Variants in HLCS observed in about 807,000 individuals in gnomAD.
HLCS encodes the protein holocarboxylase synthetase, also known as biotin--protein ligase.
Under a neutral mutation model 75.0 loss-of-function variants are expected in HLCS, and 53 were observed. The observed-to-expected ratio is 0.71, with a 90% CI of 0.57 to 0.89. HLCS has a LOEUF of 0.89. Ranked by LOEUF, HLCS falls within the 40% of genes least tolerant of loss-of-function variation. The pLI is 0.00. For synonymous variants in HLCS, 431 were observed against 428.6 expected (o/e 1.01, Z -0.07); for missense variants, 966 against 1,074.0 (o/e 0.90, Z 1.41).
chr21:36,766,359 A>G (rs1306329802), intron 7 of HLCS, among the ~76,000 whole-genome samples: 1 of 152,186 alleles, frequency 6.6e-6, no homozygotes, highest in African/African-American at 2.4e-5. Context: ...AAATAGAAGA[A>G]TCCAAATGAG....
intron 6 of HLCS, among the ~76,000 whole-genome samples, chr21:36,811,705 C>A (rs1452326932): frequency 6.6e-6 from 1 of 152,256 alleles, no homozygotes; most frequent in Admixed American, 6.5e-5. Flanking sequence ...TAAAAGACCT[C>A]TTTCCCATGT....
chr21:36,783,472 C>T (rs549638420), intron 6 of HLCS, among the ~76,000 whole-genome samples: 1 of 152,200 alleles, frequency 6.6e-6, no homozygotes, highest in African/African-American at 2.4e-5. Context: ...AATGAAGCAT[C>T]GCATTATTTT....
intron 6 of HLCS, among the ~76,000 whole-genome samples, chr21:36,848,200 G>T (rs2062862385): frequency 6.6e-6 from 1 of 151,342 alleles, no homozygotes; most frequent in Admixed American, 6.6e-5. Context: ...AGACATGCCA[G>T]AAAAATTGTG....
intron 1 of HLCS, 135 bp downstream of exon 1, chr21:36,966,309 C>T (rs1002338671): frequency 1.1e-4 from 31 of 279,542 alleles, no homozygotes; most frequent in African/African-American, 6.9e-4. Flanking sequence ...CAGCCCCTCC[C>T]GGGCCGCACA....
At chr21:36,893,711 A>T (rs1262273304) in intron 6 of HLCS, among the ~76,000 whole-genome samples, 1 of 152,172 alleles carries the variant, frequency 6.6e-6, no homozygotes, top group Non-Finnish European at 1.5e-5. Flanking sequence ...GCTGCCGCTG[A>T]TCTGACAGGG....
At chr21:36,805,426 G>T (rs571319415) in intron 6 of HLCS, among the ~76,000 whole-genome samples, 1 of 152,320 alleles carries the variant, frequency 6.6e-6, no homozygotes, top group African/African-American at 2.4e-5. Context: ...TTACAGGCAG[G>T]GCGGCAGGAA....
At chr21:36,882,626 T>C (rs946778207) in intron 6 of HLCS, among the ~76,000 whole-genome samples, 1 of 147,284 alleles carries the variant, frequency 6.8e-6, no homozygotes, top group African/African-American at 2.5e-5. Flanking sequence ...CTTTCTTTTT[T>C]TTTTTTTTTT....
At chr21:36,756,426 G>A (rs2089589293) in intron 10 of HLCS, 116 bp downstream of exon 10, 4 of 703,836 alleles carry the variant, frequency 5.7e-6, no homozygotes, top group Non-Finnish European at 8.8e-6. Flanking sequence ...ACTCCAGCCT[G>A]GGCGACAGAG....
At chr21:36,810,315 T>C (rs899945912) in intron 6 of HLCS, among the ~76,000 whole-genome samples, 6 of 152,208 alleles carry the variant, frequency 3.9e-5, no homozygotes, top group African/African-American at 1.2e-4. Context: ...TCTGACCCTT[T>C]CGGCAGCAAG....
chr21:36,818,305 C>G lies in HLCS; in HGVS notation c.1893-51020G>C, dbSNP rs571747957. Among the ~76,000 whole-genome samples, 7 of 152,294 alleles carry G rather than the reference C, an allele frequency of 4.6e-5. No homozygotes were observed. In the South Asian group the frequency reaches 1.5e-3, roughly 32 times the overall value. ...AATCCTATTTCTAAAGACCCTCCCG[C>G]GAGGAGCACATAGGCCGTGATGAAT... On this transcript the variant is annotated intron_variant, in intron 6 of 10. Coordinates refer to ENST00000674895, the MANE Select transcript of HLCS (RefSeq NM_001352514.2).
intron 6 of HLCS, among the ~76,000 whole-genome samples, chr21:36,778,439 C>T (rs1264310187): frequency 6.6e-6 from 1 of 152,016 alleles, no homozygotes; most frequent in Non-Finnish European, 1.5e-5. Context: ...ACCACCATAC[C>T]CAGCTAATTT....
intron 5 of HLCS, among the ~76,000 whole-genome samples, chr21:36,924,604 C>T (rs1480366526): frequency 6.6e-6 from 1 of 152,132 alleles, no homozygotes; most frequent in Non-Finnish European, 1.5e-5. Flanking sequence ...AGCCTCTTCA[C>T]TGTCCTGTAC....
chr21:36,980,061 G>A (rs2069070899), intron 1 of HLCS, among the ~76,000 whole-genome samples: 1 of 147,994 alleles, frequency 6.8e-6, no homozygotes, highest in Non-Finnish European at 1.5e-5. Flanking sequence ...AAAAGGCTGG[G>A]TGTGGTGGTC....
chr21:36,923,197 T>G (rs939446131), intron 5 of HLCS, among the ~76,000 whole-genome samples: 8 of 152,200 alleles, frequency 5.3e-5, no homozygotes, highest in Non-Finnish European at 1.2e-4. Flanking sequence ...TGTGAGAATG[T>G]TCTAAGCCCT....
At chr21:36,966,310 G>A (rs1312448254) in intron 1 of HLCS, 134 bp downstream of exon 1, 1 of 281,200 alleles carries the variant, frequency 3.6e-6, no homozygotes, top group Non-Finnish European at 5.4e-6. Flanking sequence ...AGCCCCTCCC[G>A]GGCCGCACAG....
chr21:36,762,820 C>T (rs56338418), intron 8 of HLCS, among the ~76,000 whole-genome samples: 4,991 of 152,250 alleles, frequency 0.033, 254 homozygotes, highest in African/African-American at 0.11. Context: ...TGGCCTCCAG[C>T]GCCTGGCGCA....
intron 5 of HLCS, among the ~76,000 whole-genome samples, chr21:36,923,184 G>A (rs949273557): frequency 2.0e-5 from 3 of 152,168 alleles, no homozygotes; most frequent in Admixed American, 6.5e-5. Flanking sequence ...ACAAAAATCC[G>A]CGTGTGAGAA....
At chr21:36,965,059 G>A (rs912337278) in intron 1 of HLCS, among the ~76,000 whole-genome samples, 2 of 152,170 alleles carry the variant, frequency 1.3e-5, no homozygotes, top group Admixed American at 1.3e-4. Context: ...TACCTTGGGG[G>A]ACCTGAGAAA....
intron 5 of HLCS, among the ~76,000 whole-genome samples, chr21:36,925,954 T>G (rs1340616072): frequency 2.6e-5 from 4 of 152,230 alleles, no homozygotes; most frequent in African/African-American, 9.7e-5. Flanking sequence ...AAGGATTATG[T>G]TTCTTCTATA....
Sources: allele counts gnomAD v4.1 joint callset (sites outside exome capture counted in the v4.1 genomes callset), GRCh38; gene constraint gnomAD v4.1.1; transcripts MANE v1.5; gene names NCBI Gene and HGNC (gene_info 2026-07-23, HGNC 2026-07-21).